LONP1: variants seen among roughly 807,000 people sequenced by gnomAD.
The protein encoded by LONP1 is lon peptidase 1, mitochondrial.
In LONP1, 31 loss-of-function variants were observed where a neutral mutation model predicts 98.5. The observed-to-expected ratio is 0.31, with a 90% CI of 0.24 to 0.42. The LOEUF (loss-of-function observed/expected upper bound fraction) is 0.42, where lower values mean the gene tolerates loss of function less well. LONP1 is among the 20% of genes least tolerant of loss of function. LONP1 has a pLI of 1.00. For missense variants in LONP1, 1,336 were observed against 1,350.6 expected, an observed-to-expected ratio of 0.99 and a Z score of 0.17; for synonymous variants, 781 against 594.7, an observed-to-expected ratio of 1.31 and a Z score of -4.56.
intron 1 of LONP1, among the ~76,000 whole-genome samples, chr19:5,719,027 C>T (rs915167356): frequency 2.0e-5 from 3 of 152,166 alleles, no homozygotes; most frequent in African/African-American, 7.2e-5. Context: ...TACTAAACAT[C>T]TTTATTGCCT....
In LONP1 at chr19:5,719,949, C is replaced by T. The variant is rs775901191; in HGVS notation, c.184G>A (p.Gly62Arg). ...TCCCAAAACCCCCGCCATTGGCCCC[C>T]AATTGCCGGGCCTCGGCCCCACAGT... ...WALWGRGPAI[G>R]GQWRGFWEAS... Residue 62 changes from glycine to arginine, a missense_variant, in exon 1 of 18, where the codon GGG becomes AGG. Gly to Arg is a moderately radical substitution (Grantham distance 125). Coordinates refer to ENST00000360614, the MANE Select transcript of LONP1 (RefSeq NM_004793.4). The T allele has an allele frequency of 1.9e-6, 3 of 1,568,084 alleles. No homozygotes were observed. In the South Asian group the frequency reaches 3.5e-5, roughly 18 times the overall value.
intron 1 of LONP1, 124 bp from the exon 2 acceptor site, chr19:5,714,395 A>T: frequency 1.5e-6 from 1 of 654,978 alleles, no homozygotes; most frequent in South Asian, 1.8e-5. Flanking sequence ...CTCCACCCCC[A>T]CTGAGTTCAA....
chr19:5,708,012 G>A (rs965219668), intron 5 of LONP1, 186 bp from the exon 6 acceptor site: 1 of 689,836 alleles, frequency 1.4e-6, no homozygotes, highest in Non-Finnish European at 2.4e-6. Flanking sequence ...GTCCTGGGCT[G>A]GAAAGGCATG....
At chr19:5,699,260 C>T (rs1022253789) in intron 9 of LONP1, 55 bp from the exon 10 acceptor site, 38 of 1,408,696 alleles carry the variant, frequency 2.7e-5, no homozygotes, top group Middle Eastern at 2.2e-4. Context: ...CGGGGACCCG[C>T]GCATGACTCT....
At chr19:5,707,239 G>A in intron 6 of LONP1, 96 bp from the exon 7 acceptor site, 2 of 940,520 alleles carry the variant, frequency 2.1e-6, no homozygotes, top group South Asian at 1.4e-5. Context: ...GAGAGATGCT[G>A]CCGGGAGGAC....
chr19:5,700,830 C>T lies in LONP1; in HGVS notation c.1465G>A (p.Glu489Lys). The T allele has an allele frequency of 1.2e-6, 2 of 1,614,208 alleles. No homozygotes were observed. Among genetic ancestry groups the T allele is most frequent in the Non-Finnish European group, 1.7e-6 (2 of 1,180,042 alleles). ...DLARAQAVLE[E>K]DHYGMEDVKK... Reference sequence around the variant, plus strand: ...ACGTCCTCCATGCCGTAGTGGTCTTCCTCCAGCACTGCCTGTGCCCGCGCC... The same window carrying T: ...ACGTCCTCCATGCCGTAGTGGTCTTTCTCCAGCACTGCCTGTGCCCGCGCC... Residue 489 changes from glutamate (E) to lysine (K), a missense_variant, in exon 9 of 18, where the codon GAA (glutamate) becomes AAA (lysine). Physicochemically the swap from Glu to Lys is moderately conservative, Grantham distance 56 (BLOSUM62 1). Transcript: ENST00000360614.
intron 1 of LONP1, chr19:5,714,849 A>C (rs2055290684): frequency 6.7e-6 from 1 of 149,898 alleles, no homozygotes; most frequent in Non-Finnish European, 1.5e-5. Flanking sequence ...TTAACTCCTG[A>C]CCTCGTGATC....
At chr19:5,707,624 C>A in intron 6 of LONP1, 73 bp downstream of exon 6, 2 of 1,538,828 alleles carry the variant, frequency 1.3e-6, no homozygotes, top group Non-Finnish European at 1.8e-6. Flanking sequence ...CGGGGGCAGC[C>A]GGGCGTGGGC....
intron 10 of LONP1, among the ~76,000 whole-genome samples, chr19:5,697,513 G>GA (rs1491163959): frequency 7.0e-6 from 1 of 143,070 alleles, no homozygotes; most frequent in African/African-American, 2.6e-5. Context: ...AGGAGGGGGG[G>GA]AGAGAAGAGG....
chr19:5,713,106 C>T, intron 3 of LONP1, 28 bp downstream of exon 3: 2 of 1,613,678 alleles, frequency 1.2e-6, no homozygotes, highest in South Asian at 2.2e-5. Flanking sequence ...CTGCCCCCAC[C>T]TCCCACTGTC....
chr19:5,718,325 AAAATT>A (rs2055355388), intron 1 of LONP1, among the ~76,000 whole-genome samples: 1 of 152,020 alleles, frequency 6.6e-6, no homozygotes, highest in African/African-American at 2.4e-5. Flanking sequence ...TAAAAATAGA[AAAATT>A]AGCCAGCCAC....
chr19:5,706,081 C>G, intron 7 of LONP1, 89 bp from the exon 8 acceptor site: 1 of 820,052 alleles, frequency 1.2e-6, no homozygotes, highest in Non-Finnish European at 2.0e-6. Flanking sequence ...CCTCTGCTCC[C>G]CCAGGACTCA....
Position 5,693,088 on chromosome 19 carries a change from G to A in LONP1, c.2703+210C>T, listed in dbSNP as rs117887000. ...CCCCAATCCTACTGGGGAAGCCAGT[G>A]GAGGCTCAGAATGTTCTCCACAAGA... On this transcript the variant is annotated intron_variant, in intron 17 of 17. Coordinates refer to ENST00000360614, the MANE Select transcript of LONP1 (RefSeq NM_004793.4). Among the ~76,000 whole-genome samples the A allele has an allele frequency of 0.017, 2,630 of 152,296 alleles. 46 individuals are homozygous for A. Among genetic ancestry groups the A allele is most frequent in the East Asian group, 0.026 (137 of 5,172 alleles).
chr19:5,702,888 C>T (rs1321146863), intron 8 of LONP1, among the ~76,000 whole-genome samples: 16 of 150,942 alleles, frequency 1.1e-4, no homozygotes, highest in South Asian at 4.2e-4. Flanking sequence ...TGCGGAAGGC[C>T]GCAGGGTCCT....
In LONP1 at chr19:5,705,980, T is replaced by C; in HGVS notation, c.1159A>G (p.Ile387Val). 1 of 1,611,934 alleles carries C rather than the reference T, an allele frequency of 6.2e-7. No individual in the cohort carries two copies. Among genetic ancestry groups the C allele is most frequent in the Non-Finnish European group, 8.5e-7 (1 of 1,179,622 alleles). Residue 387 changes from isoleucine (I) to valine (V), a missense_variant, in exon 8 of 18, where the codon ATC (isoleucine) becomes GTC (valine). Around this residue, in one of 5 missense-constraint regions of LONP1, gnomAD observed 219 missense variants for 241.0 expected, o/e 0.91. Coordinates refer to ENST00000360614, the MANE Select transcript of LONP1 (RefSeq NM_004793.4). ...AGGTACTTACGGTGGGTCTGCTTGA[T>C]CTTCTCCTCCACCTGTGGGGTGAGG... ...QRLGREVEEK[I>V]KQTHRKYLLQ...
chr19:5,696,091 G>C lies in LONP1; in HGVS notation c.1976C>G (p.Ser659Trp). Residue 659 changes from serine to tryptophan, a missense_variant, in exon 13 of 18, where the codon TCG becomes TGG. This residue lies in a region of LONP1 where 555 missense variants were observed against 542.6 expected (regional missense o/e 1.02). Coordinates refer to ENST00000360614, the MANE Select transcript of LONP1 (RefSeq NM_004793.4). ...LRDRMEMINV[S>W]GYVAQEKLAI... ...CAGCTTCTCCTGGGCCACGTAGCCC[G>C]ACACGTTGATCATCTCCATACGGTC... The C allele has an allele frequency of 5.0e-6, 8 of 1,612,984 alleles. No homozygotes were observed. The highest frequency in any genetic ancestry group is 6.8e-6 in the Non-Finnish European group (8 of 1,179,908).
In LONP1 at chr19:5,713,147, T is replaced by C. The variant is rs753774847; in HGVS notation, c.625A>G (p.Met209Val). Residue 209 changes from methionine (M) to valine (V), a missense_variant, in exon 3 of 18, where the codon ATG becomes GTG. Around this residue, in one of 5 missense-constraint regions of LONP1, gnomAD observed 457 missense variants for 403.1 expected, o/e 1.13. Coordinates refer to ENST00000360614, the MANE Select transcript of LONP1 (RefSeq NM_004793.4). ...CCAGCCACCCACCTTCTGTGTCCCATGACGATCATGCGCAGCTTGTCCCCA... is the reference window on the plus strand; with the variant it reads ...CCAGCCACCCACCTTCTGTGTCCCACGACGATCATGCGCAGCTTGTCCCCA... ...DLGDKLRMIV[M>V]GHRRVHISRQ... The C allele has an allele frequency of 2.1e-5, 34 of 1,608,500 alleles. No homozygotes were observed. Among genetic ancestry groups the C allele is most frequent in the Non-Finnish European group, 2.9e-5 (34 of 1,176,470 alleles).
Position 5,720,071 on chromosome 19 carries a change from C to T in LONP1, c.62G>A (p.Arg21Gln), listed in dbSNP as rs756947198. The T allele has an allele frequency of 1.6e-5, 24 of 1,525,978 alleles. No homozygotes were observed. The Admixed American group carries it at 2.5e-4, about 16-fold the overall frequency. The allele number at this position is 1,525,978 out of a possible 1,614,324, so 94.5% of individuals were successfully genotyped here. ...WGAARCWVLRRPMLAAAGGRV... is the reference protein window; with the variant it reads ...WGAARCWVLRQPMLAAAGGRV... ...CCCCCCGGCGGCGGCCAGCATCGGC[C>T]GCCGCAGCACCCAGCACCGCGCCGC... The change falls in exon 1 of 18, where the codon CGG becomes CAG. Residue 21 changes from arginine (R) to glutamine (Q), a missense_variant. This residue lies in a region of LONP1 where 457 missense variants were observed against 403.1 expected (regional missense o/e 1.13). Transcript: ENST00000360614.
At chr19:5,694,095 C>T (rs966654609) in intron 15 of LONP1, among the ~76,000 whole-genome samples, 3 of 152,202 alleles carry the variant, frequency 2.0e-5, no homozygotes, top group Admixed American at 1.3e-4. Flanking sequence ...TTTGCCCTCT[C>T]GCCTCCTTTG....
Sources: allele counts gnomAD v4.1 joint callset (sites outside exome capture counted in the v4.1 genomes callset), GRCh38; gene constraint gnomAD v4.1.1; regional missense constraint gnomAD v4.1.1; transcripts MANE v1.5; gene names NCBI Gene and HGNC (gene_info 2026-07-23, HGNC 2026-07-21).